XKR9: variants seen among roughly 807,000 people sequenced by gnomAD.
XKR9 encodes the protein XK related 9.
XKR9 carries 32 observed loss-of-function variants against 32.0 expected under a neutral mutation model. The ratio of observed to expected loss-of-function variants is 1.00; its 90% CI spans 0.76 to 1.34. The LOEUF is 1.34. XKR9 is among the 40% of genes most tolerant of loss of function. XKR9 has a pLI of 0.00. For synonymous variants in XKR9, 168 were observed against 143.4 expected (o/e 1.17, Z -1.22); for missense variants, 546 against 429.7 (o/e 1.27, Z -2.39).
the XKR9 span, among the ~76,000 whole-genome samples, chr8:71,035,474 G>T: frequency 6.6e-6 from 1 of 152,116 alleles, no homozygotes; most frequent in African/African-American, 2.4e-5. Context: ...ACTTCCTTTG[G>T]CTAAACATAT....
chr8:71,037,624 C>T, the XKR9 span, among the ~76,000 whole-genome samples: 4 of 152,296 alleles, frequency 2.6e-5, no homozygotes, highest in Admixed American at 6.5e-5. Context: ...AGAAAAGACT[C>T]ACACTAGGTT....
chr8:70,759,692 A>G (rs973464588), intron 2 of XKR9, among the ~76,000 whole-genome samples: 1 of 152,160 alleles, frequency 6.6e-6, no homozygotes, highest in African/African-American at 2.4e-5. Flanking sequence ...TAATTACCGT[A>G]TTGGTATTTG....
the XKR9 span, among the ~76,000 whole-genome samples, chr8:71,056,538 C>T: frequency 1.6e-4 from 24 of 152,274 alleles, no homozygotes; most frequent in Non-Finnish European, 2.9e-4. Context: ...TAAGCAATAG[C>T]ACTGCACTTA....
At chr8:70,968,766 G>A in the XKR9 span, among the ~76,000 whole-genome samples, 1 of 152,160 alleles carries the variant, frequency 6.6e-6, no homozygotes, top group Admixed American at 6.5e-5. Context: ...GTACCTGGAG[G>A]TATCAGCAGT....
At chr8:70,987,903 C>T in the XKR9 span, among the ~76,000 whole-genome samples, 1 of 152,190 alleles carries the variant, frequency 6.6e-6, no homozygotes, top group Non-Finnish European at 1.5e-5. Context: ...CAATTCTTGA[C>T]TTCTCTGCAC....
chr8:70,784,732 A>T (rs1807660922), intron 2 of XKR9, among the ~76,000 whole-genome samples: 1 of 152,088 alleles, frequency 6.6e-6, no homozygotes, highest in South Asian at 2.1e-4. Flanking sequence ...TTGCAATACT[A>T]TGTTGAATAG....
the XKR9 span, among the ~76,000 whole-genome samples, chr8:70,928,999 T>C: frequency 6.6e-6 from 1 of 152,166 alleles, no homozygotes; most frequent in Non-Finnish European, 1.5e-5. Context: ...TTAGTTCCCT[T>C]TTGCTTCTCC....
intron 2 of XKR9, among the ~76,000 whole-genome samples, chr8:70,760,950 G>T (rs1202302512): frequency 1.3e-5 from 2 of 152,164 alleles, no homozygotes. Context: ...ACTTACATGT[G>T]AGAACATGCA....
chr8:70,739,670 C>G (rs1312056619), downstream of XKR9, among the ~76,000 whole-genome samples: 1 of 152,080 alleles, frequency 6.6e-6, no homozygotes, highest in East Asian at 1.9e-4. Context: ...TTGGTGGTGA[C>G]AAAATCTCTC....
At chr8:70,750,773 T>C (rs1052646703) in intron 2 of XKR9, among the ~76,000 whole-genome samples, 14 of 152,342 alleles carry the variant, frequency 9.2e-5, no homozygotes, top group African/African-American at 3.4e-4. Context: ...TTTCATTACC[T>C]ACAAAAATAA....
chr8:70,740,487 C>T (rs1035787666), downstream of XKR9, among the ~76,000 whole-genome samples: 7 of 151,606 alleles, frequency 4.6e-5, no homozygotes, highest in African/African-American at 1.4e-4. Context: ...CATTCTCTGT[C>T]CAGCTTTGTT....
At chr8:70,757,834 A>C (rs564780048) in intron 2 of XKR9, among the ~76,000 whole-genome samples, 95 of 152,152 alleles carry the variant, frequency 6.2e-4, no homozygotes, top group Non-Finnish European at 1.2e-3. Context: ...TGATCCGCCC[A>C]CCTCAGCCTC....
intron 2 of XKR9, among the ~76,000 whole-genome samples, chr8:70,679,491 T>G (rs1250968253): frequency 6.6e-6 from 1 of 152,174 alleles, no homozygotes; most frequent in Non-Finnish European, 1.5e-5. Context: ...GACACACAGC[T>G]AGTAGGTAGC....
downstream of XKR9, among the ~76,000 whole-genome samples, chr8:70,792,676 G>T (rs921832552): frequency 3.3e-5 from 5 of 152,064 alleles, no homozygotes; most frequent in Non-Finnish European, 7.4e-5. Flanking sequence ...GGGCAGTGAA[G>T]AAATGATAGA....
At chr8:70,748,383 G>C (rs1807087607) in intron 2 of XKR9, among the ~76,000 whole-genome samples, 1 of 152,236 alleles carries the variant, frequency 6.6e-6, no homozygotes, top group Non-Finnish European at 1.5e-5. Context: ...CTGCTTTCTA[G>C]TCTCTCCCCG....
the XKR9 span, among the ~76,000 whole-genome samples, chr8:71,019,142 T>C: frequency 6.7e-6 from 1 of 150,152 alleles, no homozygotes; most frequent in Non-Finnish European, 1.5e-5. Context: ...TCCTTCTCCT[T>C]TTTTTTTTAA....
At chr8:70,955,259 C>T in the XKR9 span, among the ~76,000 whole-genome samples, 2 of 152,130 alleles carry the variant, frequency 1.3e-5, no homozygotes, top group Admixed American at 1.3e-4. Context: ...GTAAAGGCTG[C>T]TAACACTCTG....
chr8:70,865,566 G>T, the XKR9 span, among the ~76,000 whole-genome samples: 1 of 152,010 alleles, frequency 6.6e-6, no homozygotes, highest in South Asian at 2.1e-4. Flanking sequence ...TTATAATGGT[G>T]TAAGTTGGTG....
chr8:70,838,252 C>T, the XKR9 span, among the ~76,000 whole-genome samples: 4 of 152,048 alleles, frequency 2.6e-5, no homozygotes, highest in Non-Finnish European at 5.9e-5. Flanking sequence ...TCTTTTTTTA[C>T]TTACAACTCT....
Sources: gnomAD v4.1 joint callset for allele counts (sites outside exome capture counted in the v4.1 genomes callset) on GRCh38, gnomAD v4.1.1 for gene constraint, MANE v1.5 for transcripts, NCBI Gene and HGNC (gene_info 2026-07-23, HGNC 2026-07-21) for gene names.